TNRC6C: variants seen among roughly 807,000 people sequenced by gnomAD.
TNRC6C encodes trinucleotide repeat containing adaptor 6C, also known as trinucleotide repeat-containing gene 6C protein.
In TNRC6C, 20 loss-of-function variants were observed where a neutral mutation model predicts 153.7. The observed-to-expected ratio is 0.13, with a 90% CI of 0.09 to 0.19. The LOEUF is 0.19. Among genes scored for constraint, TNRC6C ranks in the 10% least tolerant of loss-of-function variants. The pLI is 1.00. For missense variants in TNRC6C, 1,987 were observed against 2,172.0 expected (o/e 0.91, Z 1.69); for synonymous variants, 811 against 841.4 (o/e 0.96, Z 0.63).
At chr17:77,978,007 T>C (rs2071025637) in intron 1 of TNRC6C, among the ~76,000 whole-genome samples, 1 of 151,404 alleles carries the variant, frequency 6.6e-6, no homozygotes. Context: ...ACCATTCTTC[T>C]GCCTCAGCCT....
At chr17:78,074,512 G>A (rs1440711640) in intron 7 of TNRC6C, among the ~76,000 whole-genome samples, 5 of 152,350 alleles carry the variant, frequency 3.3e-5, no homozygotes, top group African/African-American at 1.2e-4. Flanking sequence ...GCTGCAAGAG[G>A]TGAATTCTAA....
chr17:78,086,675 G>T, intron 12 of TNRC6C, 89 bp downstream of exon 14: 1 of 1,557,586 alleles, frequency 6.4e-7, no homozygotes, highest in South Asian at 1.1e-5. Flanking sequence ...GATGATCATT[G>T]ATTTTTCTCT....
intron 13 of TNRC6C, among the ~76,000 whole-genome samples, chr17:78,091,120 T>A (rs1360410922): frequency 6.6e-6 from 1 of 152,232 alleles, no homozygotes; most frequent in Non-Finnish European, 1.5e-5. Context: ...AATTTAGGAA[T>A]AATATTCCTA....
exon 20 of TNRC6C, chr17:78,107,624 A>G (rs552845902): frequency 1.3e-5 from 2 of 152,172 alleles, no homozygotes; most frequent in Non-Finnish European, 2.9e-5. Context: ...GTTTTGCTTT[A>G]TTCTATCATT....
chr17:78,048,561 C>G (rs1486393104), intron 2 of TNRC6C, among the ~76,000 whole-genome samples: 1 of 152,248 alleles, frequency 6.6e-6, no homozygotes, highest in Non-Finnish European at 1.5e-5. Context: ...ACTACAGATG[C>G]TTTCAGAGAT....
chr17:77,994,626 C>G (rs780345541), intron 1 of TNRC6C, among the ~76,000 whole-genome samples: 6 of 152,098 alleles, frequency 3.9e-5, no homozygotes, highest in Non-Finnish European at 7.4e-5. Context: ...AGTGACAGAC[C>G]AACGCTTATA....
At chr17:78,004,344 A>G, upstream of TNRC6C, 1 of 1,229,488 alleles carries the variant, frequency 8.1e-7, no homozygotes, top group African/African-American at 1.6e-5. Flanking sequence ...CCATTATATG[A>G]CAAGGTTTCA....
chr17:77,963,625 T>C (rs2070876998), intron 1 of TNRC6C, among the ~76,000 whole-genome samples: 1 of 152,222 alleles, frequency 6.6e-6, no homozygotes, highest in Non-Finnish European at 1.5e-5. Flanking sequence ...AGCTAGACAA[T>C]CTGGGCATCC....
chr17:78,009,403 A>G (rs1174460403), intron 1 of TNRC6C, among the ~76,000 whole-genome samples: 8 of 152,156 alleles, frequency 5.3e-5, no homozygotes, highest in Admixed American at 5.2e-4. Context: ...ATTTTCATAA[A>G]TGTGAAAATT....
intron 1 of TNRC6C, among the ~76,000 whole-genome samples, chr17:77,970,538 A>G (rs1212788215): frequency 6.6e-6 from 1 of 152,216 alleles, no homozygotes; most frequent in African/African-American, 2.4e-5. Context: ...ATGTTAAATG[A>G]CTGAGACTGG....
At chr17:77,958,891 C>T (rs2070835469), upstream of TNRC6C, among the ~76,000 whole-genome samples, 1 of 146,442 alleles carries the variant, frequency 6.8e-6, no homozygotes, top group South Asian at 2.1e-4. Flanking sequence ...CGCGGGCCCG[C>T]CCGAGCCGGA....
At chr17:78,103,503 C>G (rs1170815029) in exon 19 of TNRC6C, 2 of 1,613,890 alleles carry the variant, frequency 1.2e-6, no homozygotes, top group Non-Finnish European at 8.5e-7. Flanking sequence ...ATGCTGTGGT[C>G]CGGTACAGCT....
chr17:78,087,007 C>T, exon 13 of TNRC6C: 2 of 1,613,918 alleles, frequency 1.2e-6, no homozygotes, highest in Non-Finnish European at 1.7e-6. Flanking sequence ...GACAGCTTCC[C>T]CTCGCACCCA....
rs560972675 is a variant in TNRC6C at position 78,103,898 on chromosome 17, G to T, written c.4712+345G>T. 3.9e-5 allele frequency among the ~76,000 whole-genome samples: 6 copies of T among 152,276 alleles called. 1 individual carries two copies. The South Asian group carries it at 1.2e-3, about 32-fold the overall frequency. On this transcript the variant is annotated intron_variant, in intron 19 of 19. Coordinates refer to ENST00000301624, the Ensembl canonical transcript of TNRC6C. ...ACCTCATCTAACTAACTTAATTCCC[G>T]CCTTAAAGACCCCATCTCCAAACGT...
chr17:78,076,306 C>T (rs2073084121), intron 8 of TNRC6C, among the ~76,000 whole-genome samples: 1 of 152,072 alleles, frequency 6.6e-6, no homozygotes, highest in East Asian at 1.9e-4. Flanking sequence ...GAGAGTCCTC[C>T]AGCACGTGAT....
intron 13 of TNRC6C, among the ~76,000 whole-genome samples, chr17:78,088,185 T>C (rs1290993435): frequency 6.6e-6 from 1 of 152,176 alleles, no homozygotes; most frequent in African/African-American, 2.4e-5. Context: ...ATTATAAATG[T>C]GGTATATCTT....
upstream of TNRC6C, among the ~76,000 whole-genome samples, chr17:78,001,519 C>T (rs960466359): frequency 6.6e-6 from 1 of 152,106 alleles, no homozygotes. Flanking sequence ...ACATTCACAC[C>T]ATGGTACATT....
chr17:77,997,809 C>T (rs1371751176), intron 1 of TNRC6C, among the ~76,000 whole-genome samples: 6 of 151,998 alleles, frequency 3.9e-5, no homozygotes, highest in Non-Finnish European at 8.8e-5. Flanking sequence ...CACCTGCCAC[C>T]GCGCCTGGCT....
At chr17:78,055,994 C>G (rs1490765423) in intron 3 of TNRC6C, among the ~76,000 whole-genome samples, 1 of 152,142 alleles carries the variant, frequency 6.6e-6, no homozygotes, top group Non-Finnish European at 1.5e-5. Flanking sequence ...TGGGGGATCT[C>G]TCCCCTTTGA....
Sources: allele counts gnomAD v4.1 joint callset (sites outside exome capture counted in the v4.1 genomes callset), GRCh38; gene constraint gnomAD v4.1.1; transcripts MANE v1.5; gene names NCBI Gene and HGNC (gene_info 2026-07-23, HGNC 2026-07-21).